The following NAA15 variants were observed in gnomAD, a reference collection of about 807,000 sequenced individuals.
NAA15 encodes the protein N-alpha-acetyltransferase 15, NatA auxiliary subunit, also known as N-terminal acetyltransferase.
Under a neutral mutation model 114.0 loss-of-function variants are expected in NAA15, and 34 were observed. That is an observed-to-expected ratio of 0.30 (90% CI 0.23 to 0.40). The LOEUF is 0.40. Ranked by LOEUF, NAA15 falls within the 10% of genes least tolerant of loss-of-function variation. The pLI is 1.00. For synonymous variants in NAA15, 340 were observed against 338.0 expected, an observed-to-expected ratio of 1.01 and a Z score of -0.06; for missense variants, 658 against 1,004.5, an observed-to-expected ratio of 0.66 and a Z score of 4.66.
intron 14 of NAA15, among the ~76,000 whole-genome samples, chr4:139,368,677 C>T (rs1240018904): frequency 6.6e-6 from 1 of 152,012 alleles, no homozygotes; most frequent in East Asian, 1.9e-4. Flanking sequence ...CATGTTACTC[C>T]TTACACATGA....
intron 9 of NAA15, among the ~76,000 whole-genome samples, chr4:139,352,179 G>A (rs1747799968): frequency 6.6e-6 from 1 of 151,982 alleles, no homozygotes; most frequent in South Asian, 2.1e-4. Context: ...CATGACCTCA[G>A]CTCACTGCAA....
intron 1 of NAA15, among the ~76,000 whole-genome samples, chr4:139,319,526 C>T (rs1395506422): frequency 6.6e-6 from 1 of 152,158 alleles, no homozygotes; most frequent in African/African-American, 2.4e-5. Context: ...GCTTCAACCT[C>T]CCAGGCTCAA....
At chr4:139,330,775 T>C (rs772281907) in intron 1 of NAA15, among the ~76,000 whole-genome samples, 4 of 152,178 alleles carry the variant, frequency 2.6e-5, no homozygotes, top group Non-Finnish European at 4.4e-5. Context: ...TGAGACACTG[T>C]ACTCCAGTCT....
intron 1 of NAA15, among the ~76,000 whole-genome samples, chr4:139,304,196 G>A (rs1745926835): frequency 6.6e-6 from 1 of 152,194 alleles, no homozygotes; most frequent in Admixed American, 6.5e-5. Flanking sequence ...GCTATTACAG[G>A]CGTCAGCCAC....
intron 7 of NAA15, 113 bp downstream of exon 7, chr4:139,349,694 C>A: frequency 1.7e-6 from 2 of 1,148,342 alleles, no homozygotes; most frequent in Non-Finnish European, 2.4e-6. Flanking sequence ...GGTTCGAAAT[C>A]TGAATACAGG....
At chr4:139,343,718 G>A (rs1306637539) in intron 5 of NAA15, among the ~76,000 whole-genome samples, 1 of 152,236 alleles carries the variant, frequency 6.6e-6, no homozygotes, top group Non-Finnish European at 1.5e-5. Flanking sequence ...GGTGAAAGTT[G>A]TATTTGCAGT....
At chr4:139,349,255 G>C (rs1175761902) in intron 6 of NAA15, among the ~76,000 whole-genome samples, 1 of 152,060 alleles carries the variant, frequency 6.6e-6, no homozygotes, top group Admixed American at 6.5e-5. Context: ...GAAGAGGATG[G>C]CATTTCTAAA....
chr4:139,330,031 C>A (rs1486577402), intron 1 of NAA15, among the ~76,000 whole-genome samples: 1 of 152,160 alleles, frequency 6.6e-6, no homozygotes, highest in Non-Finnish European at 1.5e-5. Context: ...CCTGTTATTT[C>A]ATATATTTTG....
At chr4:139,331,619 T>A (rs1724431004) in intron 1 of NAA15, among the ~76,000 whole-genome samples, 1 of 140,750 alleles carries the variant, frequency 7.1e-6, no homozygotes, top group Admixed American at 7.0e-5. Context: ...CCCGGCTAAT[T>A]TTTTTTTTTT....
intron 1 of NAA15, among the ~76,000 whole-genome samples, chr4:139,313,261 T>TA (rs1746278157): frequency 6.6e-6 from 1 of 151,932 alleles, no homozygotes; most frequent in South Asian, 2.1e-4. Flanking sequence ...CCTCTCACAA[T>TA]AAAATGGCTA....
intron 15 of NAA15, among the ~76,000 whole-genome samples, chr4:139,373,953 C>T (rs1018241893): frequency 1.3e-5 from 2 of 152,146 alleles, no homozygotes; most frequent in Admixed American, 1.3e-4. Flanking sequence ...GATATGCCCA[C>T]CTTAGCCTCC....
chr4:139,310,097 A>G (rs1213289962), intron 1 of NAA15, among the ~76,000 whole-genome samples: 1 of 152,130 alleles, frequency 6.6e-6, no homozygotes, highest in Non-Finnish European at 1.5e-5. Flanking sequence ...ATCTTTTAAT[A>G]TTTCTGCTTC....
intron 17 of NAA15, 196 bp downstream of exon 17, chr4:139,379,050 C>T (rs149281811): frequency 0.012 from 5,023 of 405,250 alleles, 47 homozygotes; most frequent in Non-Finnish European, 0.016. Context: ...CTGATTTTGA[C>T]ATAGAATTAT....
In NAA15 at chr4:139,384,801, A is replaced by G. The variant is rs774223015; in HGVS notation, c.2156-31A>G. ...TTTGTAAACTTTATCAGAGTATTCAACTGCTAAGATTTTATTTTTAATTTA... is the reference window on the plus strand; with the variant it reads ...TTTGTAAACTTTATCAGAGTATTCAGCTGCTAAGATTTTATTTTTAATTTA... On this transcript the variant is annotated intron_variant, in intron 17 of 19. Transcript: ENST00000296543. 5.3e-6 allele frequency: 7 copies of G among 1,325,604 alleles called. No individual in the cohort carries two copies. The African/African-American group carries it at 9.1e-5, about 17-fold the overall frequency. 82.1% of individuals were successfully genotyped at this position (1,325,604 alleles called of 1,614,324 possible). A position where few individuals can be genotyped will look rare whatever the true frequency, so the allele number is the denominator to read the frequency against.
rs112701805 is a variant in NAA15, at chr4:139,381,532, A to G, written c.2155+2678A>G. Among the ~76,000 whole-genome samples the G allele has an allele frequency of 6.4e-4, 98 of 152,056 alleles. 2 individuals carry two copies. In the South Asian group the frequency reaches 0.017, roughly 26 times the overall value. Reference sequence around the variant, plus strand: ...CCTTCTTTCATAATCTAATTTGTTTATTAAACCTTGTTTAATACTTACTAA... The same window carrying G: ...CCTTCTTTCATAATCTAATTTGTTTGTTAAACCTTGTTTAATACTTACTAA... On this transcript the variant is annotated intron_variant, in intron 17 of 19. Coordinates refer to ENST00000296543, the MANE Select transcript of NAA15 (RefSeq NM_057175.5).
chr4:139,315,340 C>A (rs1435848437), intron 1 of NAA15, among the ~76,000 whole-genome samples: 2 of 151,762 alleles, frequency 1.3e-5, no homozygotes, highest in South Asian at 2.1e-4. Context: ...GGCAATATGG[C>A]AAAACCCTAT....
At chr4:139,307,273 T>C (rs1297719899) in intron 1 of NAA15, among the ~76,000 whole-genome samples, 1 of 152,206 alleles carries the variant, frequency 6.6e-6, no homozygotes, top group African/African-American at 2.4e-5. Context: ...GGTTTGTTTT[T>C]TGTTGTTTTT....
chr4:139,335,606 T>A (rs986614502), intron 2 of NAA15, among the ~76,000 whole-genome samples: 1 of 151,930 alleles, frequency 6.6e-6, no homozygotes, highest in Non-Finnish European at 1.5e-5. Flanking sequence ...CCTCAGGTGA[T>A]CCACCCACCT....
intron 10 of NAA15, among the ~76,000 whole-genome samples, chr4:139,355,090 G>A (rs1747903489): frequency 6.6e-6 from 1 of 152,036 alleles, no homozygotes; most frequent in African/African-American, 2.4e-5. Context: ...GCCAGGCCAG[G>A]CTGGTCTCGA....
Sources: allele counts gnomAD v4.1 joint callset (sites outside exome capture counted in the v4.1 genomes callset), GRCh38; gene constraint gnomAD v4.1.1; transcripts MANE v1.5; gene names NCBI Gene and HGNC (gene_info 2026-07-23, HGNC 2026-07-21).